The following PDE7B variants were observed in gnomAD, a reference collection of about 807,000 sequenced individuals.
PDE7B encodes 3',5'-cyclic-AMP phosphodiesterase 7B.
PDE7B carries 29 observed loss-of-function variants against 56.2 expected under a neutral mutation model. That is an observed-to-expected ratio of 0.52 (90% CI 0.38 to 0.70). The LOEUF (loss-of-function observed/expected upper bound fraction) is 0.70. Among genes scored for constraint, PDE7B ranks in the 30% least tolerant of loss-of-function variants. The pLI is 0.00. For synonymous variants in PDE7B, 197 were observed against 196.9 expected (o/e 1.00, Z 0.00); for missense variants, 490 against 565.0 (o/e 0.87, Z 1.35).
chr6:136,004,180 T>G (rs975693606), intron 2 of PDE7B, among the ~76,000 whole-genome samples: 6 of 152,112 alleles, frequency 3.9e-5, no homozygotes, highest in African/African-American at 1.4e-4. Flanking sequence ...TCTCAATAAA[T>G]TAGGTATTGA....
At chr6:135,863,151 G>T (rs1437511622) in intron 1 of PDE7B, among the ~76,000 whole-genome samples, 1 of 151,940 alleles carries the variant, frequency 6.6e-6, no homozygotes, top group East Asian at 1.9e-4. Context: ...GTGCTCTATA[G>T]ATGTCAATTA....
intron 2 of PDE7B, among the ~76,000 whole-genome samples, chr6:136,011,900 T>C (rs1243160226): frequency 6.6e-6 from 1 of 152,164 alleles, no homozygotes; most frequent in Non-Finnish European, 1.5e-5. Flanking sequence ...TGGAAAATGA[T>C]AATGATTTAG....
At chr6:135,919,912 C>T (rs1774038418) in intron 1 of PDE7B, among the ~76,000 whole-genome samples, 1 of 152,150 alleles carries the variant, frequency 6.6e-6, no homozygotes, top group Admixed American at 6.5e-5. Context: ...ACTACCACTA[C>T]TGTTTAGAGA....
chr6:136,110,876 C>T (rs1209654139), intron 3 of PDE7B: 2 of 152,144 alleles, frequency 1.3e-5, no homozygotes, highest in Admixed American at 6.5e-5. Flanking sequence ...GCTATCCTGT[C>T]TTCCCTTTGC....
intron 12 of PDE7B, among the ~76,000 whole-genome samples, chr6:136,189,999 G>C (rs992492672): frequency 6.6e-6 from 1 of 151,878 alleles, no homozygotes; most frequent in Non-Finnish European, 1.5e-5. Context: ...TCTTTTTTTC[G>C]AGTTGGATTT....
At chr6:136,166,792 C>T (rs904077189) in intron 8 of PDE7B, among the ~76,000 whole-genome samples, 2 of 152,134 alleles carry the variant, frequency 1.3e-5, no homozygotes, top group African/African-American at 4.8e-5. Context: ...TCTCCCCTTA[C>T]CCCTACCAAA....
At chr6:136,169,412 C>A (rs1769480971) in intron 8 of PDE7B, among the ~76,000 whole-genome samples, 2 of 152,182 alleles carry the variant, frequency 1.3e-5, no homozygotes, top group Non-Finnish European at 2.9e-5. Context: ...TTCCCTGGTG[C>A]TCATCTCCAA....
intron 1 of PDE7B, among the ~76,000 whole-genome samples, chr6:135,858,415 A>C (rs969922508): frequency 6.6e-6 from 1 of 152,194 alleles, no homozygotes; most frequent in Admixed American, 6.5e-5. Flanking sequence ...GGCCTCCCAA[A>C]GTGCTGGTAT....
rs1397023640 is a variant in PDE7B at position 135,909,417 on chromosome 6, C to A, written c.22-38047C>A. On this transcript the variant is annotated intron_variant, in intron 1 of 12. Transcript: ENST00000308191. ...ATCACTTGAGGCCAAGAGTTTGAGA[C>A]CAGCCTGGCCAATGTGGCGAAACTC... Among the ~76,000 whole-genome samples the A allele has an allele frequency of 2.0e-5, 3 of 152,202 alleles. No individual in the cohort carries two copies. In the East Asian group the frequency reaches 5.8e-4, roughly 30 times the overall value.
intron 2 of PDE7B, among the ~76,000 whole-genome samples, chr6:136,059,768 C>T (rs1223089555): frequency 1.3e-5 from 2 of 152,210 alleles, no homozygotes; most frequent in African/African-American, 4.8e-5. Flanking sequence ...CTCTTACCTC[C>T]TCACAGTTGA....
intron 1 of PDE7B, among the ~76,000 whole-genome samples, chr6:135,879,603 T>C (rs538663523): frequency 6.6e-6 from 1 of 152,138 alleles, no homozygotes. Flanking sequence ...TGTAGACAAC[T>C]GTAATGACCA....
intron 2 of PDE7B, chr6:136,038,151 G>T: frequency 7.7e-7 from 1 of 1,298,894 alleles, no homozygotes. Flanking sequence ...ACGGGGGTTC[G>T]CTTTTCCCTG....
chr6:136,034,513 C>T (rs1776294449), intron 2 of PDE7B: 1 of 152,206 alleles, frequency 6.6e-6, no homozygotes, highest in African/African-American at 2.4e-5. Flanking sequence ...TGCAGGGGCT[C>T]AGTGGGCCCA....
chr6:135,963,030 G>C (rs1259400389), intron 2 of PDE7B, among the ~76,000 whole-genome samples: 1 of 152,170 alleles, frequency 6.6e-6, no homozygotes, highest in Non-Finnish European at 1.5e-5. Context: ...GTAGGGATGG[G>C]TGAGAGCTCA....
intron 1 of PDE7B, among the ~76,000 whole-genome samples, chr6:135,862,592 AT>A (rs1297806057): frequency 8.6e-5 from 13 of 151,614 alleles, no homozygotes; most frequent in South Asian, 4.2e-4. Context: ...AGTTTATATT[AT>A]TTTTTTTCCT....
chr6:135,939,904 G>A (rs1774480606), intron 1 of PDE7B, among the ~76,000 whole-genome samples: 1 of 152,194 alleles, frequency 6.6e-6, no homozygotes, highest in Non-Finnish European at 1.5e-5. Context: ...TATCACTGGT[G>A]AGAGACATCT....
At chr6:135,935,218 T>TTTATATATATATATATATA (rs1774401563) in intron 1 of PDE7B, among the ~76,000 whole-genome samples, 1 of 34,726 alleles carries the variant, frequency 2.9e-5, no homozygotes, top group Non-Finnish European at 5.0e-5. Context: ...ATATATATAT[T>TTTATATATATATATATATA]TTCATGATTC....
chr6:136,029,741 T>C (rs1260543870), intron 2 of PDE7B, among the ~76,000 whole-genome samples: 1 of 152,176 alleles, frequency 6.6e-6, no homozygotes, highest in East Asian at 1.9e-4. Flanking sequence ...AAAGTGAAAT[T>C]CTTAGAGAAT....
intron 7 of PDE7B, 84 bp from the exon 8 acceptor site, chr6:136,155,543 T>C (rs1379861132): frequency 8.9e-7 from 1 of 1,121,344 alleles, no homozygotes; most frequent in Non-Finnish European, 1.3e-6. Flanking sequence ...CCATGATGAT[T>C]CATTGTGTTT....
Sources: gnomAD v4.1 joint callset for allele counts (sites outside exome capture counted in the v4.1 genomes callset) on GRCh38, gnomAD v4.1.1 for gene constraint, MANE v1.5 for transcripts, NCBI Gene and HGNC (gene_info 2026-07-23, HGNC 2026-07-21) for gene names.